Variants in ASB3 observed in about 807,000 individuals in gnomAD.
The protein encoded by ASB3 is ankyrin repeat and SOCS box containing 3.
A neutral mutation model predicts 54.5 loss-of-function variants in ASB3; 41 were observed. That is an observed-to-expected ratio of 0.75 (90% confidence interval 0.59 to 0.98). The LOEUF is 0.98. ASB3 is among the 50% of genes least tolerant of loss of function. The probability of loss-of-function intolerance (pLI) is 0.00; values close to 1 mark genes in which losing one functional copy is unlikely to be tolerated. For missense variants in ASB3, 733 were observed against 620.0 expected (o/e 1.18, Z -1.94); for synonymous variants, 266 against 221.2 (o/e 1.20, Z -1.80).
At chr2:53,717,003 G>A (rs1014046013) in intron 5 of ASB3, among the ~76,000 whole-genome samples, 1 of 152,160 alleles carries the variant, frequency 6.6e-6, no homozygotes, top group African/African-American at 2.4e-5. Context: ...GATTGCTTGA[G>A]GCCACGTGTT....
intron 5 of ASB3, among the ~76,000 whole-genome samples, chr2:53,720,367 G>C (rs973541393): frequency 6.6e-6 from 1 of 152,090 alleles, no homozygotes; most frequent in Non-Finnish European, 1.5e-5. Flanking sequence ...CCTTAATGTT[G>C]GCAAAATAAA....
At chr2:53,756,288 CA>C in intron 2 of ASB3, among the ~76,000 whole-genome samples, 1 of 152,272 alleles carries the variant, frequency 6.6e-6, no homozygotes, top group East Asian at 1.9e-4. Flanking sequence ...TGAAGAGACC[CA>C]TCACTCAGAT....
chr2:53,731,723 G>A (rs560323054), intron 3 of ASB3, among the ~76,000 whole-genome samples: 1 of 152,252 alleles, frequency 6.6e-6, no homozygotes, highest in East Asian at 1.9e-4. Flanking sequence ...CGTGATCTCA[G>A]CTCACTACAA....
intron 5 of ASB3, among the ~76,000 whole-genome samples, chr2:53,724,798 G>C (rs1670902100): frequency 6.6e-6 from 1 of 151,930 alleles, no homozygotes; most frequent in South Asian, 2.1e-4. Flanking sequence ...ATGCTAGAGA[G>C]GTTGCAGACA....
intron 9 of ASB3, among the ~76,000 whole-genome samples, chr2:53,682,583 T>A (rs1349565269): frequency 6.6e-6 from 1 of 152,138 alleles, no homozygotes; most frequent in Non-Finnish European, 1.5e-5. Flanking sequence ...TTCAAGTGAT[T>A]CTCCTGCCTC....
chr2:53,775,351 G>A (rs1432045704), intron 1 of ASB3, among the ~76,000 whole-genome samples: 1 of 152,022 alleles, frequency 6.6e-6, no homozygotes, highest in Non-Finnish European at 1.5e-5. Context: ...GTGTGTGTGT[G>A]TGTGTATATA....
intron 3 of ASB3, among the ~76,000 whole-genome samples, chr2:53,745,629 A>C (rs1189696858): frequency 6.6e-6 from 1 of 152,150 alleles, no homozygotes; most frequent in Non-Finnish European, 1.5e-5. Context: ...ATAGTTCCAT[A>C]TTCACTTTCT....
intron 9 of ASB3, among the ~76,000 whole-genome samples, chr2:53,684,944 G>A (rs1668557434): frequency 6.6e-6 from 1 of 152,172 alleles, no homozygotes; most frequent in Non-Finnish European, 1.5e-5. Flanking sequence ...GAGCAGGGGA[G>A]GAATGTTAGA....
intron 1 of ASB3, chr2:53,774,821 A>G (rs1314071150): frequency 4.3e-6 from 1 of 232,558 alleles, no homozygotes; most frequent in East Asian, 9.0e-5. Flanking sequence ...AGTGATAATC[A>G]TCCTGTTTCA....
In ASB3 at chr2:53,736,734, GCT is replaced by G. The variant is rs1317485999; in HGVS notation, c.356-7166_356-7165del. On this transcript the variant is annotated intron_variant, in intron 3 of 9. Transcript: ENST00000263634. ...AAAAAAAATTGAGTAGGGCACAGTGGCTCATACCTGTAACCCCAGCACTTTGG... is the reference window on the plus strand; with the variant it reads ...AAAAAAAATTGAGTAGGGCACAGTGGCATACCTGTAACCCCAGCACTTTGG... Among the ~76,000 whole-genome samples the G allele has an allele frequency of 2.0e-5, 3 of 150,322 alleles. No individual in the cohort carries two copies. In the East Asian group the frequency reaches 5.9e-4, roughly 29 times the overall value.
intron 1 of ASB3, among the ~76,000 whole-genome samples, chr2:53,772,422 C>T (rs1674002764): frequency 6.6e-6 from 1 of 152,128 alleles, no homozygotes; most frequent in Admixed American, 6.5e-5. Flanking sequence ...GATCCGCCCG[C>T]CTTGGCCTCC....
At chr2:53,780,370 T>A (rs552333764) in intron 1 of ASB3, among the ~76,000 whole-genome samples, 43 of 152,288 alleles carry the variant, frequency 2.8e-4, no homozygotes, top group African/African-American at 9.4e-4. Flanking sequence ...GCAATGACTA[T>A]GCACTGAGAC....
chr2:53,755,124 T>A (rs1442189392), intron 2 of ASB3, among the ~76,000 whole-genome samples: 1 of 152,216 alleles, frequency 6.6e-6, no homozygotes, highest in Non-Finnish European at 1.5e-5. Flanking sequence ...GTGTGGGTAT[T>A]AAAGACATTC....
At chr2:53,708,159 A>G (rs1669893974) in intron 7 of ASB3, among the ~76,000 whole-genome samples, 1 of 152,070 alleles carries the variant, frequency 6.6e-6, no homozygotes, top group African/African-American at 2.4e-5. Context: ...TTTCTCATAA[A>G]TGGTTTAGCA....
intron 8 of ASB3, among the ~76,000 whole-genome samples, chr2:53,700,028 C>T (rs1412082289): frequency 6.6e-6 from 1 of 152,142 alleles, no homozygotes; most frequent in Non-Finnish European, 1.5e-5. Flanking sequence ...AAATATCCCT[C>T]TTAGAAGAGC....
intron 5 of ASB3, among the ~76,000 whole-genome samples, chr2:53,728,041 A>AT (rs544316040): frequency 4.0e-4 from 60 of 149,532 alleles, no homozygotes; most frequent in East Asian, 3.3e-3. Context: ...AAGCCTAGGT[A>AT]TTTTTTTTTT....
chr2:53,695,708 C>G (rs966849860), intron 8 of ASB3, among the ~76,000 whole-genome samples: 1 of 151,964 alleles, frequency 6.6e-6, no homozygotes, highest in Non-Finnish European at 1.5e-5. Context: ...ATTGTATAGA[C>G]CAGTTGTACA....
intron 7 of ASB3, among the ~76,000 whole-genome samples, chr2:53,706,494 G>A (rs1405347685): frequency 1.3e-5 from 2 of 151,890 alleles, no homozygotes; most frequent in Admixed American, 1.3e-4. Flanking sequence ...AGGATGGAGT[G>A]GAGTGCAGTG....
At chr2:53,696,635 G>A (rs766272629) in intron 8 of ASB3, among the ~76,000 whole-genome samples, 5 of 152,122 alleles carry the variant, frequency 3.3e-5, no homozygotes. Flanking sequence ...CTAAAATTGA[G>A]TAATAGAACT....
Sources: gnomAD v4.1 joint callset for allele counts (sites outside exome capture counted in the v4.1 genomes callset) on GRCh38, gnomAD v4.1.1 for gene constraint, MANE v1.5 for transcripts, NCBI Gene and HGNC (gene_info 2026-07-23, HGNC 2026-07-21) for gene names.